Variants in UBA1 observed in about 807,000 individuals in gnomAD.
The protein encoded by UBA1 is ubiquitin like modifier activating enzyme 1, also known as ubiquitin-like modifier-activating enzyme 1.
UBA1 carries 4 observed loss-of-function variants against 84.7 expected under a neutral mutation model. The observed-to-expected ratio is 0.05, with a 90% CI of 0.02 to 0.11. The LOEUF is 0.11. Ranked by LOEUF, UBA1 falls within the 10% of genes least tolerant of loss-of-function variation. The pLI is 1.00. For synonymous variants in UBA1, 364 were observed against 362.6 expected, an observed-to-expected ratio of 1.00 and a Z score of -0.04; for missense variants, 513 against 902.8, an observed-to-expected ratio of 0.57 and a Z score of 5.53.
chrX:47,201,921 A>T (rs1269192619), intron 8 of UBA1, among the ~76,000 whole-genome samples: 2 of 111,580 alleles, frequency 1.8e-5, no homozygotes, highest in Non-Finnish European at 3.8e-5. Flanking sequence ...TTGGATGGGA[A>T]GCAGAGAAGG....
chrX:47,195,905 G>T (rs1556785380), intron 1 of UBA1, among the ~76,000 whole-genome samples: 1 of 110,671 alleles, frequency 9.0e-6, no homozygotes, highest in African/African-American at 3.3e-5. Context: ...TATTATTTTT[G>T]GTTAAAGATT....
At chrX:47,213,487 A>G (rs782093431) in intron 23 of UBA1, among the ~76,000 whole-genome samples, 3 of 112,146 alleles carry the variant, frequency 2.7e-5, no homozygotes, top group Non-Finnish European at 5.6e-5. Context: ...TTTATTGAGC[A>G]CCTTTTGTGT....
chrX:47,194,578 C>G (rs996581115), intron 1 of UBA1, among the ~76,000 whole-genome samples: 2 of 111,829 alleles, frequency 1.8e-5, no homozygotes, highest in East Asian at 2.8e-4. Context: ...GCTAGCCGCG[C>G]TCAGAGCTTC....
chrX:47,194,127 C>T (rs936231860), intron 1 of UBA1, 103 bp downstream of exon 1: 2 of 112,038 alleles, frequency 1.8e-5, no homozygotes, highest in Non-Finnish European at 3.8e-5. Flanking sequence ...CGCGGTGACT[C>T]GGGAGCCAGG....
rs1027158159 is a variant in UBA1, at chrX:47,201,158, T to G, written c.588-118T>G. The G allele has an allele frequency of 2.5e-5, 20 of 814,266 alleles. No individual in the cohort carries two copies. The Admixed American group carries it at 5.0e-4, about 20-fold the overall frequency. The allele number at this position is 814,266 out of a possible 1,213,427, so 67.1% of individuals were successfully genotyped here. A position where few individuals can be genotyped will look rare whatever the true frequency, so the allele number is the denominator to read the frequency against. On this transcript the variant is annotated intron_variant, in intron 6 of 25. Transcript: ENST00000335972. ...TCCCCATGTGGCACAAGTACCATCT[T>G]ACATCCCAGCAGTGATAGGCTGAGT...
rs1602632158 is a variant in UBA1, at chrX:47,202,349, C to G, written c.910-9C>G. ...CTTCTGGTTCTGATGACCTCTCCCC[C>G]CGCCACAGAAATCCTTGGTGGCCTC... On this transcript the variant is annotated splice_polypyrimidine_tract_variant and intron_variant, in intron 9 of 25. Coordinates refer to ENST00000335972, the MANE Select transcript of UBA1 (RefSeq NM_003334.4). 2.5e-6 allele frequency: 3 copies of G among 1,210,471 alleles called. No individual in the cohort carries two copies. Among genetic ancestry groups the G allele is most frequent in the South Asian group, 1.8e-5 (1 of 56,687 alleles).
intron 17 of UBA1, 71 bp downstream of exon 17, chrX:47,209,758 G>A (rs1438482420): frequency 2.5e-5 from 28 of 1,127,462 alleles, no homozygotes; most frequent in Admixed American, 4.4e-5. Flanking sequence ...CTTTCCTCAT[G>A]ACAGTAACAC....
At chrX:47,196,202 C>T (rs1936202492) in intron 1 of UBA1, among the ~76,000 whole-genome samples, 1 of 111,465 alleles carries the variant, frequency 9.0e-6, no homozygotes, top group African/African-American at 3.3e-5. Context: ...CCTTTCCCTC[C>T]CAGGACTTCT....
chrX:47,210,279 C>T (rs1365626699), intron 18 of UBA1, among the ~76,000 whole-genome samples, 156 bp downstream of exon 18: 1 of 112,109 alleles, frequency 8.9e-6, no homozygotes, highest in Non-Finnish European at 1.9e-5. Context: ...TTTTTCCTCA[C>T]CCTAGTTCCT....
chrX:47,198,246 C>T (rs782529401), intron 1 of UBA1: 72 of 979,915 alleles, frequency 7.3e-5, no homozygotes, highest in Non-Finnish European at 9.1e-5. Flanking sequence ...GCTCCCGCCG[C>T]CATCCCTGGG....
In UBA1 at chrX:47,211,598, A is replaced by G. The variant is rs367739241; in HGVS notation, c.2464+373A>G. ...CTTGTCTCCTTCCAGATCCGCCCCC[A>G]TCTGTACATCTACCTGCATGTTTCT... is the stretch of plus-strand genomic sequence containing the variant. On this transcript the variant is annotated intron_variant, in intron 20 of 25. Coordinates refer to ENST00000335972, the MANE Select transcript of UBA1 (RefSeq NM_003334.4). Among the ~76,000 whole-genome samples, 16 of 109,242 alleles carry G rather than the reference A, an allele frequency of 1.5e-4. No homozygotes were observed. In the East Asian group the frequency reaches 4.4e-3, roughly 30 times the overall value. 94.9% of individuals were successfully genotyped at this position (109,242 alleles called of 115,157 possible). A position where few individuals can be genotyped will look rare whatever the true frequency, so the allele number is the denominator to read the frequency against.
chrX:47,202,284 G>T (rs782539900), intron 9 of UBA1, 31 bp downstream of exon 9: 22 of 1,202,503 alleles, frequency 1.8e-5, no homozygotes, highest in South Asian at 1.8e-4. Flanking sequence ...AGTGGGCTGT[G>T]GGGGGTGGTT....
At chrX:47,194,278 C>T (rs1936120711) in intron 1 of UBA1, among the ~76,000 whole-genome samples, 1 of 112,169 alleles carries the variant, frequency 8.9e-6, no homozygotes, top group South Asian at 3.6e-4. Context: ...TCACGCCCAA[C>T]ATCTCTAGTC....
In UBA1 at chrX:47,210,086, A is replaced by G. The variant is rs1556792929; in HGVS notation, c.2162A>G (p.Asn721Ser). The stretch of plus-strand genomic sequence containing the variant: ...CACTGGCACACCCAGTACTCGAACA[A>G]CATCCGGCAGCTGCTGCACAACTTC... ...CHHWHTQYSN[N>S]IRQLLHNFPP... The change falls in exon 18 of 26, where the codon AAC becomes AGC. Residue 721 changes from asparagine (N) to serine (S), a missense_variant. Around this residue, in one of 6 missense-constraint regions of UBA1, gnomAD observed 40 missense variants for 138.3 expected, o/e 0.29. Transcript: ENST00000335972. 1.7e-6 allele frequency: 2 copies of G among 1,211,869 alleles called. No homozygotes were observed. Among genetic ancestry groups the G allele is most frequent in the Non-Finnish European group, 2.2e-6 (2 of 895,569 alleles).
Position 47,214,830 on chromosome X carries a change from G to A in UBA1, c.3078G>A (p.Lys1026=). The change falls in exon 26 of 26, where the codon AAG becomes AAA. Residue 1026 remains lysine (K), a synonymous_variant. Transcript: ENST00000335972. ...TTGTGAGCCGTGTGTCGAAGCGAAA[G>A]CTGGGCCGCCACGTGCGGGCGCTGG... The part of the protein sequence containing the change: ...TEIVSRVSKR[K]LGRHVRALVL... 6 of 1,211,900 alleles carry A rather than the reference G, an allele frequency of 5.0e-6. No homozygotes were observed. The highest frequency in any genetic ancestry group is 6.7e-6 in the Non-Finnish European group (6 of 895,673).
intron 10 of UBA1, 56 bp downstream of exon 10, chrX:47,202,560 A>C: frequency 3.3e-6 from 4 of 1,205,546 alleles, no homozygotes; most frequent in Non-Finnish European, 4.5e-6. Flanking sequence ...CAGGCTCACC[A>C]TGCCTCTCTG....
At position 47,212,982 on chromosome X, in the gene UBA1, T is replaced by C; in HGVS notation, c.2647-8T>C. On this transcript the variant is annotated splice_polypyrimidine_tract_variant and splice_region_variant and intron_variant, in intron 22 of 25. Coordinates refer to ENST00000335972, the MANE Select transcript of UBA1 (RefSeq NM_003334.4). ...CTACCACCTTCTTTTGTCCCTTCTG[T>C]CTCTCAGAGCAAGCTGATTGCAGGG... The C allele has an allele frequency of 1.7e-6, 2 of 1,211,691 alleles. No individual in the cohort carries two copies. The highest frequency in any genetic ancestry group is 1.1e-6 in the Non-Finnish European group (1 of 895,457).
chrX:47,203,951 T>C (rs1936533195), intron 14 of UBA1, among the ~76,000 whole-genome samples: 1 of 108,534 alleles, frequency 9.2e-6, no homozygotes. Flanking sequence ...TTTCTCCATG[T>C]TGGTCAGGCT....
chrX:47,194,460 C>T, intron 1 of UBA1, among the ~76,000 whole-genome samples: 1 of 112,425 alleles, frequency 8.9e-6, no homozygotes, highest in East Asian at 2.8e-4. Flanking sequence ...CAGTATTTGT[C>T]CTCAAGGCTT....
Sources: gnomAD v4.1 joint callset for allele counts (sites outside exome capture counted in the v4.1 genomes callset) on GRCh38, gnomAD v4.1.1 for gene constraint, gnomAD v4.1.1 regional missense constraint, MANE v1.5 for transcripts, NCBI Gene and HGNC (gene_info 2026-07-23, HGNC 2026-07-21) for gene names.